Variants in ZFR observed in about 807,000 individuals in gnomAD.
ZFR encodes zinc finger RNA-binding protein.
Under a neutral mutation model 130.7 loss-of-function variants are expected in ZFR, and 19 were observed. The observed-to-expected ratio is 0.15, with a 90% confidence interval of 0.10 to 0.21. The LOEUF (loss-of-function observed/expected upper bound fraction) is 0.21. ZFR is among the 10% of genes least tolerant of loss of function. The probability of loss-of-function intolerance (pLI) is 1.00; values close to 1 mark genes in which losing one functional copy is unlikely to be tolerated. For missense variants in ZFR, 872 were observed against 1,321.5 expected, an observed-to-expected ratio of 0.66 and a Z score of 5.27; for synonymous variants, 466 against 456.9, an observed-to-expected ratio of 1.02 and a Z score of -0.25.
At chr5:32,430,006 T>C (rs583650) in intron 2 of ZFR, among the ~76,000 whole-genome samples, 142,342 of 149,292 alleles carry the variant, frequency 0.95, 67,912 homozygotes, top group African/African-American at 0.98. Context: ...TGCTGTGAGC[T>C]ACAACTGCAC....
intron 2 of ZFR, among the ~76,000 whole-genome samples, chr5:32,429,914 T>G (rs866088607): frequency 6.6e-6 from 1 of 151,566 alleles, no homozygotes. Context: ...AAAAAAAAAT[T>G]TTTTTTTGTT....
At position 32,403,103 on chromosome 5, in the gene ZFR, T is replaced by C. The variant is rs769423313; in HGVS notation, c.1516+3A>G. The C allele has an allele frequency of 6.2e-7, 1 of 1,613,286 alleles. No individual in the cohort carries two copies. The highest frequency in any genetic ancestry group is 8.5e-7 in the Non-Finnish European group (1 of 1,179,588). On this transcript the variant is annotated splice_donor_region_variant and intron_variant, in intron 8 of 19. Transcript: ENST00000265069. ...AGCAGGGACAGAGAATATCAGTACT[T>C]GCCAACAAAATTTATTTTGGGGGTA...
intron 8 of ZFR, 131 bp downstream of exon 8, chr5:32,402,975 T>C (rs554536501): frequency 2.4e-6 from 2 of 827,858 alleles, no homozygotes; most frequent in East Asian, 2.6e-5. Flanking sequence ...TAGGCAGATA[T>C]GTGAAGAAAC....
chr5:32,400,246 T>C lies in ZFR; in HGVS notation c.1517-43A>G, dbSNP rs1277675342. The C allele has an allele frequency of 3.5e-6, 5 of 1,418,098 alleles. No individual in the cohort carries two copies. The African/African-American group carries it at 5.8e-5, about 16-fold the overall frequency. 87.8% of individuals were successfully genotyped at this position (1,418,098 alleles called of 1,614,324 possible). A position where few individuals can be genotyped will look rare whatever the true frequency, so the allele number is the denominator to read the frequency against. ...AGTTAAAAAAAATTTTATTTTTGTA[T>C]AAATATATATACCTGATAAGACGAA... is the stretch of plus-strand genomic sequence containing the variant. On this transcript the variant is annotated intron_variant, in intron 8 of 19. Transcript: ENST00000265069.
chr5:32,415,044 C>T lies in ZFR; in HGVS notation c.709G>A (p.Val237Ile). ...GGCACCACAGTAGCCGCAGCTGCTA[C>T]TGGCTGTACGGTGGAGGATACAGGA... ...IYPVSSTVQP[V>I]AAAATVVPSY... is the part of the protein sequence containing the mutation. The change falls in exon 5 of 20, where the codon GTA becomes ATA. Residue 237 changes from valine to isoleucine, a missense_variant. By Grantham distance (29) the Val-to-Ile change is conservative. Transcript: ENST00000265069. 1 of 1,614,120 alleles carries T rather than the reference C, an allele frequency of 6.2e-7. No individual in the cohort carries two copies. The highest frequency in any genetic ancestry group is 1.6e-4 in the Middle Eastern group (1 of 6,062).
chr5:32,430,232 G>A (rs1410933271), intron 2 of ZFR, among the ~76,000 whole-genome samples: 1 of 151,892 alleles, frequency 6.6e-6, no homozygotes, highest in African/African-American at 2.4e-5. Flanking sequence ...TGAAGTAAAA[G>A]AGATTGTCAA....
intron 17 of ZFR, among the ~76,000 whole-genome samples, chr5:32,369,790 T>A (rs1224201030): frequency 6.6e-6 from 1 of 152,064 alleles, no homozygotes; most frequent in African/African-American, 2.4e-5. Context: ...CCAGCCCGAG[T>A]GACAGAGTGA....
chr5:32,402,371 T>C (rs1188090103), intron 8 of ZFR, among the ~76,000 whole-genome samples: 1 of 152,076 alleles, frequency 6.6e-6, no homozygotes, highest in East Asian at 1.9e-4. Flanking sequence ...GGCCACTGGA[T>C]TGGCAATTAG....
At position 32,406,954 on chromosome 5, in the gene ZFR, C is replaced by T. The variant is rs1381680479; in HGVS notation, c.852G>A (p.Gln284=). ...CTGCTGCTGCCTGCTTCTGTTGCTG[C>T]TGCTGCTGTTGATAGTAGGAAGATG... The part of the protein sequence containing the change: ...SAASSYYQQQ[Q]QQQKQAAAAA... The change falls in exon 6 of 20, where the codon CAG becomes CAA. Residue 284 remains glutamine, a synonymous_variant. Coordinates refer to ENST00000265069, the MANE Select transcript of ZFR (RefSeq NM_016107.5). 7 of 1,596,424 alleles carry T rather than the reference C, an allele frequency of 4.4e-6. No homozygotes were observed. The highest frequency in any genetic ancestry group is 1.8e-5 in the Admixed American group (1 of 54,054).
chr5:32,408,308 T>A (rs1753621265), intron 5 of ZFR, among the ~76,000 whole-genome samples: 1 of 111,482 alleles, frequency 9.0e-6, no homozygotes. Flanking sequence ...TTGTGAACGT[T>A]TGATTAAAAA....
At chr5:32,375,734 G>A (rs973141424) in intron 17 of ZFR, among the ~76,000 whole-genome samples, 3 of 152,076 alleles carry the variant, frequency 2.0e-5, no homozygotes, top group Non-Finnish European at 4.4e-5. Flanking sequence ...CTCCAACTCC[G>A]GGACTCAAGC....
chr5:32,375,043 C>T (rs1158340887), intron 17 of ZFR, among the ~76,000 whole-genome samples: 1 of 152,144 alleles, frequency 6.6e-6, no homozygotes, highest in Admixed American at 6.5e-5. Context: ...AAATTTGTTT[C>T]ACGTCACTGA....
chr5:32,408,279 T>TGGCATACTGC (rs1395849522), intron 5 of ZFR, among the ~76,000 whole-genome samples: 1 of 148,500 alleles, frequency 6.7e-6, no homozygotes, highest in African/African-American at 2.5e-5. Context: ...ACACTGTGTC[T>TGGCATACTGC]GGCATACTGC....
At chr5:32,401,270 T>C (rs928332747) in intron 8 of ZFR, among the ~76,000 whole-genome samples, 7 of 152,186 alleles carry the variant, frequency 4.6e-5, no homozygotes, top group Non-Finnish European at 1.0e-4. Flanking sequence ...GAGAAGACAA[T>C]GTAGCTGCCT....
chr5:32,414,212 C>T (rs1753772606), intron 5 of ZFR, among the ~76,000 whole-genome samples: 1 of 152,114 alleles, frequency 6.6e-6, no homozygotes, highest in Non-Finnish European at 1.5e-5. Context: ...CCGTGCATTC[C>T]TAATTCATCA....
rs191551578 is a variant in ZFR at position 32,398,214 on chromosome 5, A to G, written c.1714-876T>C. Among the ~76,000 whole-genome samples, 51 of 152,310 alleles carry G rather than the reference A, an allele frequency of 3.3e-4. 1 individual carries two copies. The highest frequency in any genetic ancestry group is 1.2e-3 in the African/African-American group (49 of 41,574). ...TAAGCATTTAGATTTAAATGTAGCT[A>G]GATGTCTTAAATTTTCTAATAGTTA... On this transcript the variant is annotated intron_variant, in intron 9 of 19. Transcript: ENST00000265069.
chr5:32,444,086 A>T, intron 2 of ZFR, 143 bp downstream of exon 2: 2 of 619,624 alleles, frequency 3.2e-6, no homozygotes, highest in Non-Finnish European at 4.2e-6. Context: ...GGGGCGGGAG[A>T]GGCCGCCGGG....
At chr5:32,378,065 G>A (rs1487427619) in intron 17 of ZFR, among the ~76,000 whole-genome samples, 1 of 152,174 alleles carries the variant, frequency 6.6e-6, no homozygotes, top group African/African-American at 2.4e-5. Flanking sequence ...ACAGTGTAAA[G>A]AATATAATTA....
chr5:32,397,363 A>G (rs1403569404), intron 9 of ZFR, 25 bp from the exon 10 acceptor site: 1 of 1,608,016 alleles, frequency 6.2e-7, no homozygotes, highest in Non-Finnish European at 8.5e-7. Context: ...AAAATTCAAG[A>G]ATCATCATAG....
Sources: gnomAD v4.1 joint callset for allele counts (sites outside exome capture counted in the v4.1 genomes callset) on GRCh38, gnomAD v4.1.1 for gene constraint, MANE v1.5 for transcripts, NCBI Gene and HGNC (gene_info 2026-07-23, HGNC 2026-07-21) for gene names.